PDE1A: variants seen among roughly 807,000 people sequenced by gnomAD.
PDE1A encodes the protein phosphodiesterase 1A.
Under a neutral mutation model 61.7 loss-of-function variants are expected in PDE1A, and 35 were observed. The ratio of observed to expected loss-of-function variants is 0.57; its 90% CI spans 0.43 to 0.75. PDE1A has a LOEUF of 0.75. Ranked by LOEUF, PDE1A falls within the 30% of genes least tolerant of loss-of-function variation. The pLI, the probability that PDE1A is intolerant of heterozygous loss-of-function variation, is 0.00. For synonymous variants in PDE1A, 232 were observed against 213.2 expected (o/e 1.09, Z -0.77); for missense variants, 597 against 630.6 (o/e 0.95, Z 0.57).
At chr2:182,332,745 T>C (rs1181943344) in intron 1 of PDE1A, among the ~76,000 whole-genome samples, 1 of 152,082 alleles carries the variant, frequency 6.6e-6, no homozygotes, top group Non-Finnish European at 1.5e-5. Flanking sequence ...ACCCACCAGA[T>C]GCCAGCCAGA....
intron 7 of PDE1A, among the ~76,000 whole-genome samples, chr2:182,221,919 T>C (rs1191981281): frequency 6.6e-6 from 1 of 152,054 alleles, no homozygotes; most frequent in Non-Finnish European, 1.5e-5. Flanking sequence ...AGATGATCTA[T>C]ACTGTGGATC....
the PDE1A span, among the ~76,000 whole-genome samples, chr2:182,691,098 T>C: frequency 6.6e-6 from 1 of 152,298 alleles, no homozygotes; most frequent in South Asian, 2.1e-4. Context: ...AAAATGGCCA[T>C]ACAGCCCAAG....
chr2:182,482,218 A>C (rs1219543308), intron 2 of PDE1A, among the ~76,000 whole-genome samples: 1 of 151,950 alleles, frequency 6.6e-6, no homozygotes, highest in African/African-American at 2.4e-5. Context: ...AGATTTAAAA[A>C]ACCTGAGACT....
chr2:182,206,872 AG>A (rs1314883117), intron 7 of PDE1A, among the ~76,000 whole-genome samples: 1 of 152,128 alleles, frequency 6.6e-6, no homozygotes, highest in East Asian at 1.9e-4. Flanking sequence ...CACCATGTGA[AG>A]ATGTGCTTAC....
chr2:182,625,191 C>A, the PDE1A span, among the ~76,000 whole-genome samples: 6 of 152,166 alleles, frequency 3.9e-5, no homozygotes, highest in African/African-American at 1.4e-4. Flanking sequence ...CCTGACCATG[C>A]CAGTAGCCTG....
At chr2:182,549,502 T>C in the PDE1A span, among the ~76,000 whole-genome samples, 1 of 152,066 alleles carries the variant, frequency 6.6e-6, no homozygotes, top group Non-Finnish European at 1.5e-5. Flanking sequence ...AAGAGTGAAT[T>C]AGGAAATATG....
chr2:182,320,162 G>A (rs1696609381), intron 1 of PDE1A, among the ~76,000 whole-genome samples: 1 of 152,152 alleles, frequency 6.6e-6, no homozygotes, highest in Admixed American at 6.6e-5. Context: ...ATGAGGCTAG[G>A]TATTGACCCT....
chr2:182,196,966 C>T (rs1225086424), intron 10 of PDE1A, among the ~76,000 whole-genome samples: 2 of 151,662 alleles, frequency 1.3e-5, no homozygotes, highest in African/African-American at 4.8e-5. Context: ...TATTAACTAT[C>T]CCTTCATATT....
the PDE1A span, among the ~76,000 whole-genome samples, chr2:182,572,695 C>A: frequency 6.6e-6 from 1 of 151,824 alleles, no homozygotes; most frequent in Admixed American, 6.6e-5. Flanking sequence ...ACCATGAAAC[C>A]CCGTCTCTAC....
chr2:182,518,538 G>C (rs913718381), intron 2 of PDE1A, among the ~76,000 whole-genome samples: 6 of 152,106 alleles, frequency 3.9e-5, no homozygotes, highest in African/African-American at 1.4e-4. Context: ...CTGGACATTC[G>C]TCGGGATGGG....
At chr2:182,392,007 G>T (rs922946490) in intron 1 of PDE1A, among the ~76,000 whole-genome samples, 1 of 152,134 alleles carries the variant, frequency 6.6e-6, no homozygotes, top group African/African-American at 2.4e-5. Context: ...GGAGAGGTCA[G>T]GTCCCGTTGA....
the PDE1A span, among the ~76,000 whole-genome samples, chr2:182,704,160 G>A: frequency 2.7e-4 from 39 of 146,876 alleles, 1 homozygote; most frequent in South Asian, 2.2e-4. Context: ...GCAGACAGCC[G>A]AGATCACGCC....
the PDE1A span, among the ~76,000 whole-genome samples, chr2:182,616,382 G>A: frequency 2.6e-4 from 39 of 152,322 alleles, no homozygotes; most frequent in Middle Eastern, 6.8e-3. Flanking sequence ...CAGAGTAATA[G>A]GTAAACTCAT....
intron 13 of PDE1A, among the ~76,000 whole-genome samples, chr2:182,183,861 G>A (rs1684971214): frequency 6.6e-6 from 1 of 151,850 alleles, no homozygotes; most frequent in African/African-American, 2.4e-5. Flanking sequence ...AAGTAGCTGA[G>A]ATAAAAAGTT....
At chr2:182,263,860 C>T (rs537971765) in intron 2 of PDE1A, among the ~76,000 whole-genome samples, 9 of 152,264 alleles carry the variant, frequency 5.9e-5, no homozygotes, top group Admixed American at 2.0e-4. Context: ...GCAATCCCTG[C>T]ATAGAGGGCC....
intron 1 of PDE1A, among the ~76,000 whole-genome samples, chr2:182,270,016 A>T (rs1692905284): frequency 6.6e-6 from 1 of 152,196 alleles, no homozygotes; most frequent in African/African-American, 2.4e-5. Context: ...AATCTAAAGC[A>T]TCATTAATGA....
At chr2:182,575,628 A>G in the PDE1A span, among the ~76,000 whole-genome samples, 1 of 150,690 alleles carries the variant, frequency 6.6e-6, no homozygotes, top group Admixed American at 6.6e-5. Flanking sequence ...TGGGAGAAAC[A>G]ATACCAGGGT....
chr2:182,166,835 A>G (rs1691676741), downstream of PDE1A, among the ~76,000 whole-genome samples: 1 of 152,214 alleles, frequency 6.6e-6, no homozygotes, highest in Non-Finnish European at 1.5e-5. Context: ...AATACTGGAC[A>G]TCAGCCATTC....
the PDE1A span, among the ~76,000 whole-genome samples, chr2:182,541,258 T>C: frequency 6.6e-6 from 1 of 152,208 alleles, no homozygotes; most frequent in Non-Finnish European, 1.5e-5. Context: ...CAGTGCTGGA[T>C]TTGGATTCAC....
Sources: gnomAD v4.1 joint callset for allele counts (sites outside exome capture counted in the v4.1 genomes callset) on GRCh38, gnomAD v4.1.1 for gene constraint, MANE v1.5 for transcripts, NCBI Gene and HGNC (gene_info 2026-07-23, HGNC 2026-07-21) for gene names.